The following ALK variants were observed in gnomAD, a reference collection of about 807,000 sequenced individuals.
The protein encoded by ALK is ALK tyrosine kinase receptor.
In ALK, 74 loss-of-function variants were observed where a neutral mutation model predicts 163.1. That is an observed-to-expected ratio of 0.45 (90% confidence interval 0.38 to 0.55). The LOEUF is 0.55. Among genes scored for constraint, ALK ranks in the 20% least tolerant of loss-of-function variants. The probability of loss-of-function intolerance (pLI) is 0.00; values close to 1 mark genes in which losing one functional copy is unlikely to be tolerated. For synonymous variants in ALK, 960 were observed against 843.2 expected (o/e 1.14, Z -2.40); for missense variants, 2,063 against 2,105.3 (o/e 0.98, Z 0.39).
intron 3 of ALK, among the ~76,000 whole-genome samples, chr2:29,584,816 T>C (rs544871617): frequency 2.6e-4 from 40 of 152,374 alleles, no homozygotes; most frequent in Admixed American, 1.1e-3. Flanking sequence ...ACAATGATTG[T>C]TCAGATGCTG....
intron 3 of ALK, among the ~76,000 whole-genome samples, chr2:29,566,809 G>A (rs1674203925): frequency 6.6e-6 from 1 of 152,040 alleles, no homozygotes; most frequent in Admixed American, 6.5e-5. Context: ...AAGGTTGAAG[G>A]AAAGTAATTA....
chr2:29,584,905 T>A (rs1384645335), intron 3 of ALK, among the ~76,000 whole-genome samples: 2 of 152,254 alleles, frequency 1.3e-5, no homozygotes. Context: ...ACATTTTTGT[T>A]AAGCAGCTGG....
chr2:29,578,633 T>C (rs749113866), intron 3 of ALK, among the ~76,000 whole-genome samples: 1 of 152,204 alleles, frequency 6.6e-6, no homozygotes, highest in African/African-American at 2.4e-5. Context: ...AGAACCACCA[T>C]ACCCTGTCTC....
At chr2:29,553,282 CACA>C (rs1331039188) in intron 3 of ALK, among the ~76,000 whole-genome samples, 1 of 152,168 alleles carries the variant, frequency 6.6e-6, no homozygotes, top group Non-Finnish European at 1.5e-5. Flanking sequence ...CATCTGAAGA[CACA>C]ACAGCAAGGC....
chr2:29,776,754 A>G (rs1681187283), intron 1 of ALK, among the ~76,000 whole-genome samples: 1 of 152,082 alleles, frequency 6.6e-6, no homozygotes, highest in South Asian at 2.1e-4. Flanking sequence ...CTATGATTGT[A>G]CCACTGCACT....
At chr2:29,764,425 T>G (rs1372904187) in intron 1 of ALK, among the ~76,000 whole-genome samples, 2 of 152,144 alleles carry the variant, frequency 1.3e-5, no homozygotes, top group Non-Finnish European at 2.9e-5. Flanking sequence ...GTAGGAGTAT[T>G]TACACCACAA....
chr2:29,911,849 C>T (rs1026758244), intron 1 of ALK, among the ~76,000 whole-genome samples: 9 of 152,092 alleles, frequency 5.9e-5, no homozygotes, highest in African/African-American at 1.9e-4. Flanking sequence ...TTATCAAAGA[C>T]GTGAAAGAAG....
intron 16 of ALK, 29 bp downstream of exon 16, chr2:29,228,855 G>C (rs776984279): frequency 4.1e-6 from 6 of 1,478,492 alleles, no homozygotes; most frequent in Non-Finnish European, 5.7e-6. Context: ...CAGGGAGGGA[G>C]TGACACCTTG....
intron 1 of ALK, among the ~76,000 whole-genome samples, chr2:29,742,690 C>A (rs555881508): frequency 6.6e-6 from 1 of 152,202 alleles, no homozygotes; most frequent in African/African-American, 2.4e-5. Context: ...GCATGCCAAA[C>A]CTCACTTATT....
In ALK at chr2:29,831,191, G is replaced by GAGGAAGGGGAAGGGGAAT. The variant is rs1665395932; in HGVS notation, c.667+88801_667+88802insATTCCCCTTCCCCTTCCT. Among the ~76,000 whole-genome samples the GAGGAAGGGGAAGGGGAAT allele has an allele frequency of 9.0e-5, 6 of 66,816 alleles. 1 individual carries two copies. The highest frequency in any genetic ancestry group is 2.2e-4 in the Admixed American group (1 of 4,598). 43.8% of individuals were successfully genotyped at this position (66,816 alleles called of 152,430 possible). A position where few individuals can be genotyped will look rare whatever the true frequency, so the allele number is the denominator to read the frequency against. On this transcript the variant is annotated intron_variant, in intron 1 of 28. Transcript: ENST00000389048. ...AGAGGAAGAGGAAGGGGAAGGGGAA[G>GAGGAAGGGGAAGGGGAAT]GGGAAGGGGAAGGGGAAGAGGAAGA...
intron 23 of ALK, among the ~76,000 whole-genome samples, chr2:29,216,783 T>G (rs1330006581): frequency 6.6e-6 from 1 of 151,640 alleles, no homozygotes; most frequent in Admixed American, 6.6e-5. Flanking sequence ...GAGGTGTGTG[T>G]GGTGTGTATG....
rs776228721 is a variant in ALK, at chr2:29,214,042, C to A, written c.3685G>T (p.Val1229Leu). 4 of 1,613,944 alleles carry A rather than the reference C, an allele frequency of 2.5e-6. No individual in the cohort carries two copies. Among genetic ancestry groups the A allele is most frequent in the Admixed American group, 3.3e-5 (2 of 60,000 alleles). The part of the protein sequence containing the change: ...SSLAMLDLLH[V>L]ARDIACGCQY... ...CAGCCACAGGCAATGTCCCGAGCCA[C>A]GTGCAGAAGGTCCAGCATGGCCAGG... The change falls in exon 24 of 29, where the codon GTG (valine) becomes TTG (leucine). Residue 1229 changes from valine to leucine, a missense_variant. Physicochemically the swap from Val to Leu is conservative, Grantham distance 32. This residue lies in a region of ALK where 83 missense variants were observed against 139.7 expected (regional missense o/e 0.59). Coordinates refer to ENST00000389048, the MANE Select transcript of ALK (RefSeq NM_004304.5).
intron 1 of ALK, among the ~76,000 whole-genome samples, chr2:29,879,842 T>C (rs1466354975): frequency 1.3e-5 from 2 of 152,148 alleles, no homozygotes; most frequent in African/African-American, 4.8e-5. Context: ...TTCCTGTAAA[T>C]CTGATAACTA....
chr2:29,861,339 A>C (rs1016736702), intron 1 of ALK, among the ~76,000 whole-genome samples: 5 of 152,208 alleles, frequency 3.3e-5, no homozygotes, highest in African/African-American at 9.6e-5. Flanking sequence ...AAAACAATAG[A>C]AAAGATCAAT....
intron 1 of ALK, among the ~76,000 whole-genome samples, chr2:29,739,378 T>G (rs1679987074): frequency 6.6e-6 from 1 of 150,434 alleles, no homozygotes; most frequent in Admixed American, 6.6e-5. Flanking sequence ...GCCAACTTTG[T>G]GAAACACCGT....
chr2:29,745,196 C>T (rs1680179347), intron 1 of ALK, among the ~76,000 whole-genome samples: 1 of 152,160 alleles, frequency 6.6e-6, no homozygotes, highest in African/African-American at 2.4e-5. Context: ...AGCAGTCACA[C>T]TCACATTTTA....
At chr2:29,444,811 C>T (rs775106446) in intron 4 of ALK, among the ~76,000 whole-genome samples, 6 of 152,136 alleles carry the variant, frequency 3.9e-5, no homozygotes, top group East Asian at 1.9e-4. Context: ...ATGAATAAGT[C>T]GGCCCTGGAA....
At chr2:29,225,645 C>T (rs1663957824) in intron 18 of ALK, 80 bp from the exon 19 acceptor site, 4 of 1,183,748 alleles carry the variant, frequency 3.4e-6, no homozygotes, top group Non-Finnish European at 4.9e-6. Flanking sequence ...AATAACCTCC[C>T]CCACTGAGAC....
chr2:29,891,970 C>T (rs1415983133), intron 1 of ALK, among the ~76,000 whole-genome samples: 3 of 152,212 alleles, frequency 2.0e-5, no homozygotes, highest in African/African-American at 7.2e-5. Context: ...TTCAACCAAT[C>T]TCTCCCTAAC....
Sources: gnomAD v4.1 joint callset for allele counts (sites outside exome capture counted in the v4.1 genomes callset) on GRCh38, gnomAD v4.1.1 for gene constraint, gnomAD v4.1.1 regional missense constraint, MANE v1.5 for transcripts, NCBI Gene and HGNC (gene_info 2026-07-23, HGNC 2026-07-21) for gene names.